The following CCDC102B variants were observed in gnomAD, a reference collection of about 807,000 sequenced individuals.
The protein encoded by CCDC102B is coiled-coil domain containing 102B, also known as coiled-coil domain-containing protein 102B.
A neutral mutation model predicts 57.4 loss-of-function variants in CCDC102B; 75 were observed. The ratio of observed to expected loss-of-function variants is 1.31; its 90% CI spans 1.08 to 1.58. CCDC102B has a LOEUF of 1.58. Among genes scored for constraint, CCDC102B ranks in the 40% most tolerant of loss-of-function variants. The pLI is 0.00. For missense variants in CCDC102B, 636 were observed against 582.6 expected (o/e 1.09, Z -0.94); for synonymous variants, 206 against 201.9 (o/e 1.02, Z -0.17).
At position 68,773,746 on chromosome 18, in the gene CCDC102B, G is replaced by T. The variant is rs186720682; in HGVS notation, c.-66-49620G>T. On this transcript the variant is annotated intron_variant, in intron 2 of 3. Coordinates refer to the CCDC102B transcript ENST00000578970. ...ATAAAATCATTATTTAATTTTAAAA[G>T]ATAGTTGTCTGAAATATAAACATGT... is the stretch of plus-strand genomic sequence containing the variant. Among the ~76,000 whole-genome samples, 430 of 151,976 alleles carry T rather than the reference G, an allele frequency of 2.8e-3. 1 individual carries two copies. The highest frequency in any genetic ancestry group is 9.9e-3 in the African/African-American group (412 of 41,498).
intron 4 of CCDC102B, among the ~76,000 whole-genome samples, chr18:68,851,649 T>C (rs906821609): frequency 3.9e-5 from 6 of 152,196 alleles, no homozygotes; most frequent in African/African-American, 1.4e-4. Flanking sequence ...CAGAATCTAC[T>C]TGTAGTAACA....
intron 6 of CCDC102B, among the ~76,000 whole-genome samples, chr18:69,006,316 T>C (rs1417228849): frequency 6.6e-6 from 1 of 152,168 alleles, no homozygotes; most frequent in African/African-American, 2.4e-5. Context: ...AAAATGAGTG[T>C]GTGGGGAGAT....
rs144988320 is a variant in CCDC102B, at chr18:68,991,301, T to G, written c.1264-19633T>G. Among the ~76,000 whole-genome samples, 674 of 152,308 alleles carry G rather than the reference T, an allele frequency of 4.4e-3. 11 individuals carry two copies. Among genetic ancestry groups the G allele is most frequent in the African/African-American group, 0.016 (653 of 41,572 alleles). On this transcript the variant is annotated intron_variant, in intron 6 of 7. Transcript: ENST00000360242. ...AGAAACACTTTCATATACAAGGGGT[T>G]GCCTGGGGAACTTGTAAAAGGCTGA...
chr18:69,036,976 T>C (rs2052309456), intron 7 of CCDC102B, among the ~76,000 whole-genome samples: 3 of 151,884 alleles, frequency 2.0e-5, no homozygotes, highest in Admixed American at 2.0e-4. Context: ...TCAATGAAGC[T>C]ATGTATGTTG....
At chr18:68,982,731 T>A (rs2050624178) in intron 6 of CCDC102B, among the ~76,000 whole-genome samples, 2 of 151,968 alleles carry the variant, frequency 1.3e-5, no homozygotes, top group African/African-American at 4.8e-5. Flanking sequence ...TCATTGTATT[T>A]TATTCATTAG....
chr18:68,752,842 A>G (rs1319216160), intron 2 of CCDC102B, among the ~76,000 whole-genome samples: 1 of 152,078 alleles, frequency 6.6e-6, no homozygotes, highest in Non-Finnish European at 1.5e-5. Context: ...CTTGGTGTAT[A>G]TTTCTTATTA....
intron 2 of CCDC102B, among the ~76,000 whole-genome samples, chr18:68,750,978 CAA>C (rs926664275): frequency 6.6e-6 from 1 of 150,516 alleles, no homozygotes; most frequent in African/African-American, 2.5e-5. Flanking sequence ...AACAAAGAAA[CAA>C]AAAAAACTCA....
At chr18:68,944,005 G>C (rs1031850480) in intron 6 of CCDC102B, among the ~76,000 whole-genome samples, 4 of 152,140 alleles carry the variant, frequency 2.6e-5, no homozygotes, top group African/African-American at 9.7e-5. Context: ...ATGCCGGACA[G>C]GGACTCAAGG....
At position 68,772,065 on chromosome 18, in the gene CCDC102B, A is replaced by C. The variant is rs547298815; in HGVS notation, c.-66-51301A>C. 5.9e-5 allele frequency among the ~76,000 whole-genome samples: 9 copies of C among 152,288 alleles called. No homozygotes were observed. In the East Asian group the frequency reaches 1.7e-3, roughly 29 times the overall value. On this transcript the variant is annotated intron_variant, in intron 2 of 3. Coordinates refer to the CCDC102B transcript ENST00000578970. ...TCTACACATTTCCAAGGTGAGTGAT[A>C]AATGTAATAAAATGCAAAGTCAAAT...
chr18:68,804,719 T>C (rs1042009689), intron 1 of CCDC102B, among the ~76,000 whole-genome samples: 4 of 152,208 alleles, frequency 2.6e-5, no homozygotes, highest in African/African-American at 9.7e-5. Flanking sequence ...TAGAAGTCAC[T>C]GATTTCCTGT....
chr18:68,807,441 A>C (rs2036074463), intron 1 of CCDC102B, among the ~76,000 whole-genome samples: 1 of 152,170 alleles, frequency 6.6e-6, no homozygotes. Context: ...GTTTTTGAGG[A>C]AGAATTAAGA....
intron 6 of CCDC102B, among the ~76,000 whole-genome samples, chr18:68,934,659 T>C (rs1304738511): frequency 6.6e-6 from 1 of 151,902 alleles, no homozygotes; most frequent in Non-Finnish European, 1.5e-5. Context: ...AGGGAAAAAC[T>C]GTAAAAAAAA....
intron 7 of CCDC102B, among the ~76,000 whole-genome samples, chr18:69,045,313 A>G (rs901338310): frequency 2.0e-5 from 3 of 152,046 alleles, no homozygotes; most frequent in African/African-American, 7.2e-5. Flanking sequence ...ATACAAACAA[A>G]CTTTTCTAGT....
intron 6 of CCDC102B, among the ~76,000 whole-genome samples, chr18:68,945,122 C>CCACAGACACACA (rs2058379348): frequency 6.9e-6 from 1 of 143,942 alleles, no homozygotes; most frequent in Non-Finnish European, 1.5e-5. Flanking sequence ...CTCTCTCTCT[C>CCACAGACACACA]CACACACACA....
intron 4 of CCDC102B, among the ~76,000 whole-genome samples, chr18:68,874,390 C>T (rs182243707): frequency 3.3e-5 from 5 of 151,910 alleles, no homozygotes; most frequent in African/African-American, 7.2e-5. Flanking sequence ...TCAATTGTTT[C>T]GGAGTTTGTG....
At chr18:69,040,223 G>A (rs985748848) in intron 7 of CCDC102B, among the ~76,000 whole-genome samples, 3 of 151,774 alleles carry the variant, frequency 2.0e-5, no homozygotes, top group Non-Finnish European at 4.4e-5. Context: ...TGTGCCTGGT[G>A]GCATTATCCA....
intron 6 of CCDC102B, among the ~76,000 whole-genome samples, chr18:68,985,013 C>T (rs2050688221): frequency 6.6e-6 from 1 of 152,072 alleles, no homozygotes; most frequent in African/African-American, 2.4e-5. Context: ...TACTATTTCT[C>T]AGCCTGAGTT....
At chr18:68,824,960 T>C (rs2036848522) in intron 1 of CCDC102B, among the ~76,000 whole-genome samples, 1 of 152,162 alleles carries the variant, frequency 6.6e-6, no homozygotes. Context: ...TACCTCTATG[T>C]TTCTGGTAAG....
chr18:68,995,265 T>G (rs1054815003), intron 6 of CCDC102B, among the ~76,000 whole-genome samples: 2 of 152,172 alleles, frequency 1.3e-5, no homozygotes, highest in Non-Finnish European at 2.9e-5. Flanking sequence ...AAAAGAAAAC[T>G]CATTTTCTGC....
Sources: allele counts gnomAD v4.1 joint callset (sites outside exome capture counted in the v4.1 genomes callset), GRCh38; gene constraint gnomAD v4.1.1; transcripts MANE v1.5; gene names NCBI Gene and HGNC (gene_info 2026-07-23, HGNC 2026-07-21).